The following TRIM14 variants were observed in gnomAD, a reference collection of about 807,000 sequenced individuals.
TRIM14 encodes the protein tripartite motif-containing protein 14.
Under a neutral mutation model 44.5 loss-of-function variants are expected in TRIM14, and 28 were observed. The ratio of observed to expected loss-of-function variants is 0.63; its 90% CI spans 0.47 to 0.86. The LOEUF (loss-of-function observed/expected upper bound fraction) is 0.86. Ranked by LOEUF, TRIM14 falls within the 40% of genes least tolerant of loss-of-function variation. The pLI is 0.00. For synonymous variants in TRIM14, 299 were observed against 269.2 expected, an observed-to-expected ratio of 1.11 and a Z score of -1.08; for missense variants, 607 against 611.1, an observed-to-expected ratio of 0.99 and a Z score of 0.07.
At chr9:98,118,831 G>A in intron 1 of TRIM14, 151 bp downstream of exon 1, 1 of 932,500 alleles carries the variant, frequency 1.1e-6, no homozygotes, top group Non-Finnish European at 1.5e-6. Flanking sequence ...CTGAACTTTC[G>A]GTCGACCGCT....
intron 1 of TRIM14, among the ~76,000 whole-genome samples, chr9:98,110,432 G>A (rs748682252): frequency 1.3e-5 from 2 of 152,140 alleles, no homozygotes; most frequent in African/African-American, 2.4e-5. Context: ...CCTGGACTAC[G>A]TGAGAGGTCA....
chr9:98,112,620 GA>G (rs1187874709), intron 1 of TRIM14, among the ~76,000 whole-genome samples: 1 of 151,916 alleles, frequency 6.6e-6, no homozygotes, highest in Non-Finnish European at 1.5e-5. Flanking sequence ...CCAACATGGA[GA>G]AACCCCGTCT....
intron 6 of TRIM14, among the ~76,000 whole-genome samples, chr9:98,072,866 A>G (rs898463491): frequency 2.6e-5 from 4 of 152,078 alleles, no homozygotes; most frequent in African/African-American, 9.7e-5. Flanking sequence ...CATTTATTGA[A>G]TGCATATTTT....
Position 98,085,655 on chromosome 9 carries a change from A to C in TRIM14, c.*1815T>G, listed in dbSNP as rs1265713455. On this transcript the variant is annotated 3_prime_UTR_variant, in exon 6 of 6. Coordinates refer to ENST00000341469, the MANE Select transcript of TRIM14 (RefSeq NM_014788.4). ...GAATTAATTTCCCCTTTTTCTCAGG[A>C]TTCCTGCAGCATAGTGCTTAAAACT... is the stretch of plus-strand genomic sequence containing the variant. 6.6e-6 allele frequency: 1 copy of C among 152,058 alleles called. No homozygotes were observed. Among genetic ancestry groups the C allele is most frequent in the Non-Finnish European group, 1.5e-5 (1 of 68,016 alleles). The allele number at this position is 152,058 out of a possible 1,614,324, so 9.4% of individuals were successfully genotyped here. A position where few individuals can be genotyped will look rare whatever the true frequency, so the allele number is the denominator to read the frequency against.
At chr9:98,078,329 C>G in intron 6 of TRIM14, 1 of 1,614,028 alleles carries the variant, frequency 6.2e-7, no homozygotes, top group Non-Finnish European at 8.5e-7. Flanking sequence ...CTGAGGACGT[C>G]AACCTGCGGG....
In TRIM14 at chr9:98,102,535, TG is replaced by T. The variant is rs1391682355; in HGVS notation, c.304-2372del. ...GCAGTGTGCTGATGCATGCTAAACA[TG>T]GATGAACCTCGAAGACATCATCCCC... On this transcript the variant is annotated intron_variant, in intron 2 of 5. Coordinates refer to ENST00000341469, the MANE Select transcript of TRIM14 (RefSeq NM_014788.4). Among the ~76,000 whole-genome samples, 7 of 152,346 alleles carry T rather than the reference TG, an allele frequency of 4.6e-5. No individual in the cohort carries two copies. The East Asian group carries it at 1.3e-3, about 29-fold the overall frequency.
downstream of TRIM14, chr9:98,084,246 G>A (rs1825683237): frequency 6.6e-6 from 1 of 151,922 alleles, no homozygotes; most frequent in African/African-American, 2.4e-5. Flanking sequence ...GAGGGAGAAG[G>A]TTCCCAGGCT....
At chr9:98,052,796 G>A in the TRIM14 span, among the ~76,000 whole-genome samples, 6 of 152,158 alleles carry the variant, frequency 3.9e-5, no homozygotes, top group Non-Finnish European at 5.9e-5. Context: ...GTGAGCCACC[G>A]TGCTCAGCCC....
chr9:98,043,678 T>C, the TRIM14 span, among the ~76,000 whole-genome samples: 89 of 151,950 alleles, frequency 5.9e-4, 1 homozygote, highest in East Asian at 0.013. Context: ...CCTATAGCTT[T>C]TACTTCAGAA....
downstream of TRIM14, among the ~76,000 whole-genome samples, chr9:98,067,216 C>T (rs906140610): frequency 6.6e-6 from 1 of 152,124 alleles, no homozygotes; most frequent in African/African-American, 2.4e-5. Context: ...CTGCTGTGAG[C>T]TTTTATGTAC....
chr9:98,093,535 G>A (rs979263296), intron 4 of TRIM14, among the ~76,000 whole-genome samples: 1 of 152,078 alleles, frequency 6.6e-6, no homozygotes, highest in African/African-American at 2.4e-5. Flanking sequence ...GGTAGACCTC[G>A]GATAGGAACC....
chr9:98,052,694 T>C, the TRIM14 span, among the ~76,000 whole-genome samples: 1 of 152,150 alleles, frequency 6.6e-6, no homozygotes, highest in Non-Finnish European at 1.5e-5. Flanking sequence ...TTATTAGAGA[T>C]GAGGTTTCTC....
the TRIM14 span, among the ~76,000 whole-genome samples, chr9:98,063,209 G>A: frequency 6.6e-6 from 1 of 151,304 alleles, no homozygotes; most frequent in Non-Finnish European, 1.5e-5. Flanking sequence ...GATTACGGGT[G>A]TGAGCCACCA....
chr9:98,083,355 C>T (rs1486026820), downstream of TRIM14, among the ~76,000 whole-genome samples: 2 of 152,248 alleles, frequency 1.3e-5, no homozygotes, highest in African/African-American at 4.8e-5. Flanking sequence ...CCTCCAGTTG[C>T]TGGGTGGCTG....
At chr9:98,041,951 A>G in the TRIM14 span, among the ~76,000 whole-genome samples, 60 of 151,516 alleles carry the variant, frequency 4.0e-4, no homozygotes, top group African/African-American at 9.2e-4. Context: ...CCGAAGTGTT[A>G]GGATTACAGG....
chr9:98,108,397 A>AT lies in TRIM14; in HGVS notation c.303+1491dup, dbSNP rs750315444. On this transcript the variant is annotated intron_variant, in intron 2 of 5. Transcript: ENST00000341469. The stretch of plus-strand genomic sequence containing the variant: ...TTAAAACATCATGAGTTTTTTGGAT[A>AT]TTTTTTTTTTCTTTAGCTCATCAGC... Among the ~76,000 whole-genome samples, 14 of 149,758 alleles carry AT rather than the reference A, an allele frequency of 9.3e-5. No individual in the cohort carries two copies. The South Asian group carries it at 1.1e-3, about 11-fold the overall frequency.
rs114281824 is a variant in TRIM14 at position 98,073,104 on chromosome 9, C to G, written c.*29-3417G>C. Among the ~76,000 whole-genome samples, 739 of 152,098 alleles carry G rather than the reference C, an allele frequency of 4.9e-3. 5 individuals are homozygous for G. Among genetic ancestry groups the G allele is most frequent in the African/African-American group, 0.017 (702 of 41,476 alleles). ...AAAGGTGACTCCTGAGGGACATGCT[C>G]TCCTCACACACAGTGGCCATCCCAG... On this transcript the variant is annotated intron_variant, in intron 6 of 6. Coordinates refer to the TRIM14 transcript ENST00000375098.
chr9:98,111,857 G>A (rs1352317055), intron 1 of TRIM14, among the ~76,000 whole-genome samples: 1 of 152,122 alleles, frequency 6.6e-6, no homozygotes, highest in Non-Finnish European at 1.5e-5. Flanking sequence ...AGAATCACTT[G>A]AACCCAGGAG....
chr9:98,077,558 A>G (rs1401838602), intron 6 of TRIM14, among the ~76,000 whole-genome samples: 1 of 152,136 alleles, frequency 6.6e-6, no homozygotes, highest in Non-Finnish European at 1.5e-5. Flanking sequence ...ATATGACAGT[A>G]TATATAAAAC....
Sources: allele counts gnomAD v4.1 joint callset (sites outside exome capture counted in the v4.1 genomes callset), GRCh38; gene constraint gnomAD v4.1.1; transcripts MANE v1.5; gene names NCBI Gene and HGNC (gene_info 2026-07-23, HGNC 2026-07-21).